Variants in NBEA observed in about 807,000 individuals in gnomAD.
The protein encoded by NBEA is lysosomal-trafficking regulator 2.
In NBEA, 44 loss-of-function variants were observed where a neutral mutation model predicts 343.4. The observed-to-expected ratio is 0.13, with a 90% CI of 0.10 to 0.16. The LOEUF (loss-of-function observed/expected upper bound fraction) is 0.16, where lower values mean the gene tolerates loss of function less well. Ranked by LOEUF, NBEA falls within the 10% of genes least tolerant of loss-of-function variation. NBEA has a pLI of 1.00. For synonymous variants in NBEA, 1,175 were observed against 1,238.7 expected (o/e 0.95, Z 1.08); for missense variants, 2,555 against 3,631.3 (o/e 0.70, Z 7.62).
chr13:35,293,726 T>G (rs1044232050), intron 35 of NBEA, among the ~76,000 whole-genome samples: 19 of 152,176 alleles, frequency 1.2e-4, no homozygotes, highest in South Asian at 2.1e-4. Flanking sequence ...AGTAAACTTC[T>G]TTAGGTGCTA....
intron 1 of NBEA, among the ~76,000 whole-genome samples, chr13:35,011,223 A>G (rs185907698): frequency 6.6e-6 from 1 of 152,234 alleles, no homozygotes; most frequent in African/African-American, 2.4e-5. Context: ...TTCATCAATA[A>G]GAGTAAGAAT....
At chr13:34,990,780 A>G (rs1294066679) in intron 1 of NBEA, among the ~76,000 whole-genome samples, 1 of 152,074 alleles carries the variant, frequency 6.6e-6, no homozygotes, top group Non-Finnish European at 1.5e-5. Flanking sequence ...CTTAACTTTT[A>G]TGCTGTTTCC....
chr13:35,384,596 G>A (rs2042157506), intron 38 of NBEA, among the ~76,000 whole-genome samples: 1 of 149,622 alleles, frequency 6.7e-6, no homozygotes, highest in Admixed American at 6.7e-5. Flanking sequence ...TGCGATCTTG[G>A]CTCACTGCAA....
rs552954887 is a variant in NBEA, at chr13:35,666,857, G to C, written c.8465-517G>C. Among the ~76,000 whole-genome samples the C allele has an allele frequency of 2.0e-5, 3 of 152,218 alleles. No individual in the cohort carries two copies. In the South Asian group the frequency reaches 6.2e-4, roughly 32 times the overall value. On this transcript the variant is annotated intron_variant, in intron 56 of 58. Transcript: ENST00000379939. ...TGAAAGACAAAATATCTTTCTGTAG[G>C]CTGAAATACTTAAGTTTTCTCAATT... is the stretch of plus-strand genomic sequence containing the variant.
Position 35,156,205 on chromosome 13 carries a change from A to C in NBEA, c.2650A>C (p.Arg884=). The C allele has an allele frequency of 6.3e-7, 1 of 1,575,742 alleles. No individual in the cohort carries two copies. Among genetic ancestry groups the C allele is most frequent in the African/African-American group, 1.4e-5 (1 of 73,636 alleles). ...KLFSNSRENR[R]CLLQCSVWQD... ...TTTCAGTAACAGCCGTGAAAATAGA[A>C]GGTAAGCAGTTTGGATACTGTAACA... The change falls in exon 20 of 59, where the codon AGA becomes CGA. Residue 884 remains arginine, a splice_region_variant and synonymous_variant. Coordinates refer to ENST00000379939, the MANE Select transcript of NBEA (RefSeq NM_001385012.1).
intron 36 of NBEA, among the ~76,000 whole-genome samples, chr13:35,337,504 CA>C (rs1329882574): frequency 1.3e-5 from 2 of 151,864 alleles, no homozygotes; most frequent in African/African-American, 4.8e-5. Flanking sequence ...ATATATCAAG[CA>C]AAAACATACA....
intron 1 of NBEA, among the ~76,000 whole-genome samples, chr13:35,038,078 T>C (rs1249967828): frequency 2.0e-5 from 3 of 152,152 alleles, no homozygotes; most frequent in Non-Finnish European, 4.4e-5. Context: ...CAAGACACAG[T>C]CCTTCCCCTT....
chr13:35,591,373 GAATT>G (rs1342724297), intron 46 of NBEA, among the ~76,000 whole-genome samples: 1 of 151,802 alleles, frequency 6.6e-6, no homozygotes, highest in Non-Finnish European at 1.5e-5. Flanking sequence ...TTTTAATAGT[GAATT>G]AAACATCTAA....
chr13:35,511,706 A>G (rs2077283264), intron 41 of NBEA, among the ~76,000 whole-genome samples: 2 of 152,142 alleles, frequency 1.3e-5, no homozygotes, highest in Non-Finnish European at 2.9e-5. Context: ...CATATTACCT[A>G]TGTTAATACA....
chr13:35,663,348 A>G (rs554386967), intron 55 of NBEA, among the ~76,000 whole-genome samples: 62 of 152,298 alleles, frequency 4.1e-4, no homozygotes, highest in Non-Finnish European at 6.9e-4. Context: ...GCTCCCACAT[A>G]TGAGTAAGAA....
intron 48 of NBEA, among the ~76,000 whole-genome samples, chr13:35,610,334 A>G (rs2082450349): frequency 6.6e-6 from 1 of 152,142 alleles, no homozygotes; most frequent in Non-Finnish European, 1.5e-5. Context: ...TCGAAGCTGC[A>G]ATGAGCCGAG....
chr13:35,472,764 G>A (rs1171656927), intron 41 of NBEA, among the ~76,000 whole-genome samples: 1 of 152,182 alleles, frequency 6.6e-6, no homozygotes, highest in African/African-American at 2.4e-5. Context: ...CTTTCTATGA[G>A]TGCCTTTGTT....
intron 26 of NBEA, among the ~76,000 whole-genome samples, chr13:35,172,295 C>A (rs1478585093): frequency 6.6e-6 from 1 of 151,806 alleles, no homozygotes; most frequent in African/African-American, 2.4e-5. Flanking sequence ...TAAAGACAGG[C>A]AAGCTGAGAG....
chr13:35,448,631 G>T (rs1009010604), intron 39 of NBEA, among the ~76,000 whole-genome samples: 2 of 152,194 alleles, frequency 1.3e-5, no homozygotes, highest in Non-Finnish European at 2.9e-5. Flanking sequence ...AAGGAACTTG[G>T]AGGCTTTTGT....
rs190936751 is a variant in NBEA at position 35,483,888 on chromosome 13, C to G, written c.6585+11352C>G. On this transcript the variant is annotated intron_variant, in intron 41 of 58. Coordinates refer to ENST00000379939, the MANE Select transcript of NBEA (RefSeq NM_001385012.1). ...ACAGACACACACACACACAAAAACA[C>G]CAGTGTTTAAGATAGCAAAAGATTG... Among the ~76,000 whole-genome samples the G allele has an allele frequency of 4.1e-3, 626 of 152,044 alleles. 2 individuals are homozygous for G. The highest frequency in any genetic ancestry group is 5.4e-3 in the Non-Finnish European group (364 of 67,928).
At chr13:35,585,008 C>T (rs949882320) in intron 46 of NBEA, among the ~76,000 whole-genome samples, 1 of 151,126 alleles carries the variant, frequency 6.6e-6, no homozygotes, top group Admixed American at 6.6e-5. Flanking sequence ...GCTCTCCCCC[C>T]CTCCCTCATT....
At chr13:35,351,480 G>A (rs1305201783) in intron 37 of NBEA, among the ~76,000 whole-genome samples, 1 of 151,922 alleles carries the variant, frequency 6.6e-6, no homozygotes, top group Non-Finnish European at 1.5e-5. Flanking sequence ...ATGAATACAT[G>A]TCAGATAGCT....
At chr13:35,464,167 A>G (rs184957803) in intron 40 of NBEA, among the ~76,000 whole-genome samples, 3 of 152,318 alleles carry the variant, frequency 2.0e-5, no homozygotes, top group Admixed American at 6.5e-5. Flanking sequence ...AGAATGTGTG[A>G]CCCAGAAAAA....
chr13:35,114,314 T>A (rs1388096186), intron 13 of NBEA, among the ~76,000 whole-genome samples: 1 of 152,210 alleles, frequency 6.6e-6, no homozygotes, highest in African/African-American at 2.4e-5. Context: ...ACTTTTTAAA[T>A]TTGCCGCTTT....
Sources: gnomAD v4.1 joint callset for allele counts (sites outside exome capture counted in the v4.1 genomes callset) on GRCh38, gnomAD v4.1.1 for gene constraint, MANE v1.5 for transcripts, NCBI Gene and HGNC (gene_info 2026-07-23, HGNC 2026-07-21) for gene names.